Variants in NEDD4L observed in about 807,000 individuals in gnomAD.
NEDD4L encodes the protein E3 ubiquitin-protein ligase NEDD4-like.
NEDD4L carries 54 observed loss-of-function variants against 148.9 expected under a neutral mutation model. That is an observed-to-expected ratio of 0.36 (90% CI 0.29 to 0.45). NEDD4L has a LOEUF of 0.45. NEDD4L is among the 20% of genes least tolerant of loss of function. The pLI is 1.00. For missense variants in NEDD4L, 856 were observed against 1,233.8 expected (o/e 0.69, Z 4.59); for synonymous variants, 433 against 440.7 (o/e 0.98, Z 0.22).
chr18:58,128,397 T>C (rs2031516566), intron 1 of NEDD4L, among the ~76,000 whole-genome samples: 1 of 152,148 alleles, frequency 6.6e-6, no homozygotes. Context: ...CAAAGAACCC[T>C]CCCCTTGAGG....
At chr18:58,169,301 G>A (rs1379377218) in intron 2 of NEDD4L, among the ~76,000 whole-genome samples, 1 of 152,230 alleles carries the variant, frequency 6.6e-6, no homozygotes, top group Non-Finnish European at 1.5e-5. Context: ...TGGCCCGCGT[G>A]GGAAACAGCA....
At chr18:58,328,535 T>C (rs2059513109) in intron 9 of NEDD4L, among the ~76,000 whole-genome samples, 1 of 152,198 alleles carries the variant, frequency 6.6e-6, no homozygotes, top group Non-Finnish European at 1.5e-5. Context: ...TTTGAATTTG[T>C]CCCTTTTGTA....
At chr18:58,118,227 A>G (rs2085983696) in intron 1 of NEDD4L, among the ~76,000 whole-genome samples, 1 of 152,222 alleles carries the variant, frequency 6.6e-6, no homozygotes, top group African/African-American at 2.4e-5. Flanking sequence ...GGTTATCAAG[A>G]GGCACATGCT....
intron 1 of NEDD4L, among the ~76,000 whole-genome samples, chr18:58,050,297 A>T (rs4072562): frequency 0.9 from 136,772 of 151,474 alleles, 61,831 homozygotes; most frequent in East Asian, 1. Flanking sequence ...TACAAAATAA[A>T]TAAATAAATA....
chr18:58,196,318 C>T lies in NEDD4L; in HGVS notation c.122+30457C>T, dbSNP rs1286115362. On this transcript the variant is annotated intron_variant, in intron 2 of 30. Coordinates refer to ENST00000400345, the MANE Select transcript of NEDD4L (RefSeq NM_001144967.3). ...TGTTTTACATTCACCTCCTGGGATACACACACTTTCTCATTTGTTTTATAA... is the reference window on the plus strand; with the variant it reads ...TGTTTTACATTCACCTCCTGGGATATACACACTTTCTCATTTGTTTTATAA... Among the ~76,000 whole-genome samples, 22 of 152,212 alleles carry T rather than the reference C, an allele frequency of 1.4e-4. 1 individual carries two copies. Among genetic ancestry groups the T allele is most frequent in the Admixed American group, 1.4e-3 (22 of 15,284 alleles).
At position 58,390,684 on chromosome 18, in the gene NEDD4L, A is replaced by C. The variant is rs1470762714; in HGVS notation, c.2694A>C (p.Leu898Phe). The change falls in exon 29 of 31, where the codon TTA becomes TTC. Residue 898 changes from leucine to phenylalanine, a missense_variant. Physicochemically the swap from Leu to Phe is conservative, Grantham distance 22 (BLOSUM62 0). Transcript: ENST00000400345. The part of the protein sequence containing the change: ...LLMDAEKRIR[L>F]LQFVTGTSRV... ...TGGACGCCGAAAAGCGTATCCGGTTACTGCAGTTTGTCACAGGGACATCGC... is the reference window on the plus strand; with the variant it reads ...TGGACGCCGAAAAGCGTATCCGGTTCCTGCAGTTTGTCACAGGGACATCGC... The C allele has an allele frequency of 1.3e-6, 2 of 1,599,278 alleles. No individual in the cohort carries two copies. Among genetic ancestry groups the C allele is most frequent in the Non-Finnish European group, 1.7e-6 (2 of 1,172,148 alleles).
chr18:58,171,535 G>C (rs556431680), intron 2 of NEDD4L, among the ~76,000 whole-genome samples: 1 of 152,388 alleles, frequency 6.6e-6, no homozygotes, highest in African/African-American at 2.4e-5. Context: ...CCTTGTCTTA[G>C]CGGACTTGGG....
chr18:58,128,641 G>A (rs1236673511), intron 1 of NEDD4L, among the ~76,000 whole-genome samples: 1 of 152,152 alleles, frequency 6.6e-6, no homozygotes, highest in Non-Finnish European at 1.5e-5. Context: ...AAATCCTGGC[G>A]GGGCCACGTC....
chr18:58,322,415 T>C lies in NEDD4L; in HGVS notation c.349-10T>C. Reference sequence around the variant, plus strand: ...ATATTAAAATTTAATTTACTGTTTTTTCCCCACAGACAGAAGATCCAACCA... The same window carrying C: ...ATATTAAAATTTAATTTACTGTTTTCTCCCCACAGACAGAAGATCCAACCA... On this transcript the variant is annotated splice_polypyrimidine_tract_variant and intron_variant, in intron 6 of 30. Coordinates refer to ENST00000400345, the MANE Select transcript of NEDD4L (RefSeq NM_001144967.3). 1.3e-6 allele frequency: 2 copies of C among 1,588,632 alleles called. No individual in the cohort carries two copies. The highest frequency in any genetic ancestry group is 1.7e-6 in the Non-Finnish European group (2 of 1,159,014).
In NEDD4L at chr18:58,063,569, C is replaced by CTT. The variant is rs373856644; in HGVS notation, c.48+18874_48+18875dup. ...AACAATTAGTCACGAGATAGTACAG[C>CTT]TTTTTTTTTTTTTTGAGACAGATTC... On this transcript the variant is annotated intron_variant, in intron 1 of 30. Coordinates refer to ENST00000400345, the MANE Select transcript of NEDD4L (RefSeq NM_001144967.3). Among the ~76,000 whole-genome samples the CTT allele has an allele frequency of 2.1e-3, 291 of 140,370 alleles. 1 individual carries two copies. The highest frequency in any genetic ancestry group is 0.016 in the East Asian group (78 of 4,794). The allele number at this position is 140,370 out of a possible 152,430, so 92.1% of individuals were successfully genotyped here. A position where few individuals can be genotyped will look rare whatever the true frequency, so the allele number is the denominator to read the frequency against.
intron 26 of NEDD4L, among the ~76,000 whole-genome samples, chr18:58,386,980 G>A (rs1183116941): frequency 6.6e-6 from 1 of 152,196 alleles, no homozygotes. Context: ...TCACGCCACA[G>A]TTAGTGGTAC....
At chr18:58,112,445 T>C (rs1041612138) in intron 1 of NEDD4L, among the ~76,000 whole-genome samples, 12 of 151,104 alleles carry the variant, frequency 7.9e-5, no homozygotes, top group Non-Finnish European at 1.8e-4. Context: ...AAACTATCAA[T>C]TGTATTTTCA....
At chr18:58,379,974 T>A (rs2048121925) in intron 24 of NEDD4L, among the ~76,000 whole-genome samples, 1 of 152,094 alleles carries the variant, frequency 6.6e-6, no homozygotes, top group Non-Finnish European at 1.5e-5. Context: ...AGGGTCAGAA[T>A]CAACCATGAG....
At chr18:58,299,679 G>T (rs536262549) in intron 5 of NEDD4L, among the ~76,000 whole-genome samples, 1 of 152,298 alleles carries the variant, frequency 6.6e-6, no homozygotes, top group Non-Finnish European at 1.5e-5. Flanking sequence ...TTCATAAATA[G>T]ATAGGCAGTC....
intron 24 of NEDD4L, among the ~76,000 whole-genome samples, chr18:58,379,905 A>G (rs973961067): frequency 6.6e-6 from 1 of 151,722 alleles, no homozygotes; most frequent in Non-Finnish European, 1.5e-5. Flanking sequence ...GCAGAATTAC[A>G]AACCCCTCAT....
At chr18:58,299,303 G>A (rs886821837) in intron 5 of NEDD4L, among the ~76,000 whole-genome samples, 4 of 152,226 alleles carry the variant, frequency 2.6e-5, no homozygotes, top group Admixed American at 1.3e-4. Context: ...TCCCTTAGCA[G>A]GGTGAAGGGA....
At chr18:58,193,498 CT>C (rs112028047) in intron 2 of NEDD4L, among the ~76,000 whole-genome samples, 34,520 of 152,198 alleles carry the variant, frequency 0.23, 4,143 homozygotes, top group East Asian at 0.38. Flanking sequence ...TCTCTTCCCC[CT>C]GATCTTTTTT....
At chr18:58,161,024 T>C (rs1468481289) in intron 1 of NEDD4L, among the ~76,000 whole-genome samples, 2 of 152,030 alleles carry the variant, frequency 1.3e-5, no homozygotes, top group Middle Eastern at 3.2e-3. Flanking sequence ...TTCTTTCTTT[T>C]TTTTTTCTTT....
At chr18:58,298,613 T>A (rs1336116236) in intron 5 of NEDD4L, among the ~76,000 whole-genome samples, 1 of 152,224 alleles carries the variant, frequency 6.6e-6, no homozygotes, top group Non-Finnish European at 1.5e-5. Flanking sequence ...CTCCCCTTTT[T>A]TCCTTTAAAA....
Sources: gnomAD v4.1 joint callset for allele counts (sites outside exome capture counted in the v4.1 genomes callset) on GRCh38, gnomAD v4.1.1 for gene constraint, MANE v1.5 for transcripts, NCBI Gene and HGNC (gene_info 2026-07-23, HGNC 2026-07-21) for gene names.